GRIP1: variants seen among roughly 807,000 people sequenced by gnomAD.
The protein encoded by GRIP1 is glutamate receptor interacting protein 1.
In GRIP1, 45 loss-of-function variants were observed where a neutral mutation model predicts 129.9. That is an observed-to-expected ratio of 0.35 (90% CI 0.27 to 0.44). The LOEUF is 0.44. Ranked by LOEUF, GRIP1 falls within the 20% of genes least tolerant of loss-of-function variation. The pLI is 1.00. For missense variants in GRIP1, 1,196 were observed against 1,396.8 expected (o/e 0.86, Z 2.29); for synonymous variants, 530 against 520.8 (o/e 1.02, Z -0.24).
chr12:67,000,830 C>G (rs1305193547), intron 1 of GRIP1, among the ~76,000 whole-genome samples: 2 of 151,714 alleles, frequency 1.3e-5, no homozygotes, highest in Non-Finnish European at 2.9e-5. Flanking sequence ...TTAGCAAATA[C>G]AAAAAAAGTA....
At chr12:66,849,217 G>A (rs2039869362) in intron 1 of GRIP1, among the ~76,000 whole-genome samples, 1 of 151,976 alleles carries the variant, frequency 6.6e-6, no homozygotes, top group Non-Finnish European at 1.5e-5. Flanking sequence ...GCTCCTTCCT[G>A]CTAAGGAGAC....
chr12:66,868,075 G>C (rs567174472), intron 1 of GRIP1, among the ~76,000 whole-genome samples: 1 of 152,208 alleles, frequency 6.6e-6, no homozygotes, highest in East Asian at 1.9e-4. Context: ...TCTCACTTAT[G>C]GGCTATAGAA....
At chr12:66,734,296 G>A (rs530233293) in intron 1 of GRIP1, among the ~76,000 whole-genome samples, 4 of 152,220 alleles carry the variant, frequency 2.6e-5, no homozygotes, top group South Asian at 2.1e-4. Context: ...CCAACTATGC[G>A]CTTTTCCTTG....
chr12:66,638,163 G>T (rs556213773), intron 1 of GRIP1, among the ~76,000 whole-genome samples: 6 of 152,238 alleles, frequency 3.9e-5, no homozygotes, highest in African/African-American at 1.4e-4. Context: ...TATGGCTTGG[G>T]GTGAGAGCGA....
chr12:66,725,308 A>G (rs1052644178), intron 1 of GRIP1, among the ~76,000 whole-genome samples: 1 of 152,140 alleles, frequency 6.6e-6, no homozygotes, highest in Non-Finnish European at 1.5e-5. Context: ...GTCTCAAAAA[A>G]ACACAAAAAT....
chr12:66,390,905 C>T (rs1445102697), intron 19 of GRIP1, among the ~76,000 whole-genome samples: 1 of 152,144 alleles, frequency 6.6e-6, no homozygotes, highest in African/African-American at 2.4e-5. Flanking sequence ...AAATTAATTG[C>T]CAGATAAAGC....
chr12:66,498,249 T>G (rs950293872), intron 7 of GRIP1, among the ~76,000 whole-genome samples: 1 of 152,116 alleles, frequency 6.6e-6, no homozygotes, highest in Non-Finnish European at 1.5e-5. Context: ...TGGGTGTCAG[T>G]GGAGTGGGAC....
intron 2 of GRIP1, among the ~76,000 whole-genome samples, chr12:66,546,831 T>A (rs772892265): frequency 2.2e-4 from 34 of 151,282 alleles, no homozygotes; most frequent in Non-Finnish European, 4.1e-4. Context: ...AGGATAAAAA[T>A]TTTAAGATCT....
At chr12:66,683,741 G>A (rs913076762), upstream of GRIP1, among the ~76,000 whole-genome samples, 1 of 152,160 alleles carries the variant, frequency 6.6e-6, no homozygotes, top group Non-Finnish European at 1.5e-5. Flanking sequence ...AACATGAAGA[G>A]ACCAGGAAAG....
intron 1 of GRIP1, among the ~76,000 whole-genome samples, chr12:66,718,032 T>C (rs543932648): frequency 3.6e-4 from 55 of 152,146 alleles, no homozygotes; most frequent in Non-Finnish European, 6.3e-4. Flanking sequence ...ACAGTTTCCA[T>C]GGAGATCTAT....
chr12:67,042,908 A>G (rs192824308), intron 1 of GRIP1, among the ~76,000 whole-genome samples: 1 of 152,220 alleles, frequency 6.6e-6, no homozygotes, highest in Non-Finnish European at 1.5e-5. Flanking sequence ...TCTTCCATGC[A>G]AGTTGCAACT....
chr12:66,734,789 G>A (rs2036544761), intron 1 of GRIP1, among the ~76,000 whole-genome samples: 1 of 152,080 alleles, frequency 6.6e-6, no homozygotes, highest in Admixed American at 6.6e-5. Context: ...CAGCAAAAAA[G>A]GCAGCATTAG....
At chr12:66,976,018 G>A (rs867289034) in intron 1 of GRIP1, among the ~76,000 whole-genome samples, 12 of 152,256 alleles carry the variant, frequency 7.9e-5, no homozygotes, top group Admixed American at 1.3e-4. Context: ...ACCTAAATTT[G>A]TATTTATAAC....
intron 1 of GRIP1, among the ~76,000 whole-genome samples, chr12:67,029,017 T>G (rs1225454538): frequency 6.6e-6 from 1 of 152,034 alleles, no homozygotes; most frequent in East Asian, 1.9e-4. Flanking sequence ...TTACATAAAA[T>G]TTGATAGAGA....
At chr12:66,715,471 T>TGAGAGAGAGAGAGAGAGAGAGAGA (rs71447469) in intron 1 of GRIP1, among the ~76,000 whole-genome samples, 1 of 110,058 alleles carries the variant, frequency 9.1e-6, no homozygotes, top group Non-Finnish European at 2.0e-5. Context: ...TGTGTGTGTG[T>TGAGAGAGAGAGAGAGAGAGAGAGA]GAGAGAGAGA....
chr12:66,525,252 C>T (rs1202326460), intron 5 of GRIP1, among the ~76,000 whole-genome samples: 1 of 152,182 alleles, frequency 6.6e-6, no homozygotes, highest in Non-Finnish European at 1.5e-5. Flanking sequence ...GACCAATATG[C>T]TTGATGAACA....
chr12:66,585,391 T>C (rs868591314), intron 2 of GRIP1, among the ~76,000 whole-genome samples: 1 of 136,876 alleles, frequency 7.3e-6, no homozygotes, highest in Non-Finnish European at 1.6e-5. Context: ...CTGAGAATGA[T>C]GATTTCCAGT....
upstream of GRIP1, among the ~76,000 whole-genome samples, chr12:66,807,563 A>G (rs944463621): frequency 7.2e-5 from 11 of 151,930 alleles, no homozygotes; most frequent in Non-Finnish European, 1.3e-4. Context: ...AGTCCCAGCT[A>G]CTCGGGAGGC....
intron 1 of GRIP1, among the ~76,000 whole-genome samples, chr12:66,786,281 T>C (rs2038342138): frequency 6.6e-6 from 1 of 152,060 alleles, no homozygotes; most frequent in South Asian, 2.1e-4. Context: ...TCAATACACA[T>C]GGTCAGATAG....
Sources: allele counts gnomAD v4.1 joint callset (sites outside exome capture counted in the v4.1 genomes callset), GRCh38; gene constraint gnomAD v4.1.1; transcripts MANE v1.5; gene names NCBI Gene and HGNC (gene_info 2026-07-23, HGNC 2026-07-21).